Variants in CAPN2 observed in about 807,000 individuals in gnomAD.
The protein encoded by CAPN2 is calpain-2 catalytic subunit.
CAPN2 carries 92 observed loss-of-function variants against 102.3 expected under a neutral mutation model. The observed-to-expected ratio is 0.90, with a 90% CI of 0.76 to 1.07. The LOEUF is 1.07. CAPN2 is among the 50% of genes least tolerant of loss of function. The pLI, the probability that CAPN2 is intolerant of heterozygous loss-of-function variation, is 0.00. For synonymous variants in CAPN2, 340 were observed against 355.4 expected (o/e 0.96, Z 0.49); for missense variants, 800 against 909.4 (o/e 0.88, Z 1.55).
chr1:223,724,230 C>T (rs978827690), intron 2 of CAPN2, among the ~76,000 whole-genome samples: 1 of 152,120 alleles, frequency 6.6e-6, no homozygotes, highest in Non-Finnish European at 1.5e-5. Context: ...GCACCAGTCC[C>T]CAAGAAGACC....
intron 13 of CAPN2, among the ~76,000 whole-genome samples, chr1:223,761,967 C>A (rs764775381): frequency 1.3e-5 from 2 of 151,998 alleles, no homozygotes; most frequent in Non-Finnish European, 2.9e-5. Context: ...TTACTCCTTC[C>A]CACATAATTT....
chr1:223,772,252 G>A lies in CAPN2; in HGVS notation c.2079+13G>A, dbSNP rs546115039. On this transcript the variant is annotated intron_variant, in intron 20 of 20. Transcript: ENST00000295006. Reference sequence around the variant, plus strand: ...CGACCTTATCTCTGTGAGTCAGCAGGCCCCGCCTTGCTTCTAAGGGGATGG... The same window carrying A: ...CGACCTTATCTCTGTGAGTCAGCAGACCCCGCCTTGCTTCTAAGGGGATGG... 2 of 1,612,360 alleles carry A rather than the reference G, an allele frequency of 1.2e-6. No homozygotes were observed. The highest frequency in any genetic ancestry group is 2.2e-5 in the East Asian group (1 of 44,866).
intron 14 of CAPN2, 128 bp from the exon 15 acceptor site, chr1:223,764,022 C>T (rs528140174): frequency 3.1e-5 from 23 of 731,574 alleles, no homozygotes; most frequent in South Asian, 3.0e-4. Flanking sequence ...CAACATGGCT[C>T]GGGGGCTTGT....
At chr1:223,740,796 G>T (rs1660592557) in intron 2 of CAPN2, among the ~76,000 whole-genome samples, 1 of 152,108 alleles carries the variant, frequency 6.6e-6, no homozygotes, top group South Asian at 2.1e-4. Context: ...TGGGGAGGAA[G>T]GTCTTTGAAG....
chr1:223,772,089 G>A (rs1056757234), intron 19 of CAPN2, 92 bp from the exon 20 acceptor site: 11 of 1,236,678 alleles, frequency 8.9e-6, no homozygotes, highest in Admixed American at 1.7e-5. Context: ...CATGTATGGT[G>A]GTCAGTGAAG....
chr1:223,765,358 C>A (rs1661285367), intron 15 of CAPN2, among the ~76,000 whole-genome samples: 1 of 152,194 alleles, frequency 6.6e-6, no homozygotes, highest in African/African-American at 2.4e-5. Context: ...CCAGAGGAGA[C>A]CCAGTCTGCA....
chr1:223,748,988 G>T, intron 5 of CAPN2, 51 bp from the exon 6 acceptor site: 1 of 1,523,764 alleles, frequency 6.6e-7, no homozygotes, highest in Non-Finnish European at 9.1e-7. Flanking sequence ...GAGGGAGTCC[G>T]GGAGGAAGGG....
intron 15 of CAPN2, 54 bp from the exon 16 acceptor site, chr1:223,766,313 A>AGTT: frequency 7.7e-7 from 1 of 1,304,140 alleles, no homozygotes; most frequent in Non-Finnish European, 1.1e-6. Context: ...TGGAAAGTTC[A>AGTT]GTTGGACATC....
In CAPN2 at chr1:223,725,390, A is replaced by G. The variant is rs1358700178; in HGVS notation, c.307+7559A>G. 6.6e-6 allele frequency among the ~76,000 whole-genome samples: 1 copy of G among 152,180 alleles called. No homozygotes were observed. The highest frequency in any genetic ancestry group is 1.5e-5 in the Non-Finnish European group (1 of 68,032). The stretch of plus-strand genomic sequence containing the variant: ...AGAGCGAGACTTCATCTCAAAAAAA[A>G]AAAAATTGTGTCTACCTCAGAGGAC... On this transcript the variant is annotated intron_variant, in intron 2 of 20. Transcript: ENST00000295006. The surrounding 1 kb of genome is among the most constrained non-coding windows in gnomAD (Gnocchi z 4.1).
chr1:223,712,315 G>T, upstream of CAPN2: 1 of 357,932 alleles, frequency 2.8e-6, no homozygotes, highest in Non-Finnish European at 3.9e-6. Context: ...CCCCAACTCT[G>T]GACCGCGATT....
At chr1:223,712,500 T>A, upstream of CAPN2, 7 of 1,199,590 alleles carry the variant, frequency 5.8e-6, no homozygotes, top group East Asian at 3.7e-5. Context: ...CCGGGCCGCT[T>A]CCCTCCGGTG....
chr1:223,752,877 C>G lies in CAPN2; in HGVS notation c.1056C>G (p.Thr352=). The part of the protein sequence containing the change: ...NLTPDTLTSD[T]YKKWKLTKMD... ...CCCCAGACACTCTCACCAGCGATAC[C>G]TACAAGAAGTGGAAACTCACCAAAA... The change falls in exon 9 of 21, where the codon ACC becomes ACG. Residue 352 remains threonine, a synonymous_variant. Coordinates refer to ENST00000295006, the MANE Select transcript of CAPN2 (RefSeq NM_001748.5). The G allele has an allele frequency of 3.1e-6, 5 of 1,614,184 alleles. No homozygotes were observed. Among genetic ancestry groups the G allele is most frequent in the Non-Finnish European group, 4.2e-6 (5 of 1,180,004 alleles).
At chr1:223,763,463 G>C (rs961147087) in intron 14 of CAPN2, among the ~76,000 whole-genome samples, 5 of 152,106 alleles carry the variant, frequency 3.3e-5, no homozygotes, top group African/African-American at 1.2e-4. Flanking sequence ...AATCAATCTT[G>C]GTTTTAAACA....
At chr1:223,712,471 T>C (rs1027144295), upstream of CAPN2, 10 of 1,160,494 alleles carry the variant, frequency 8.6e-6, no homozygotes, top group African/African-American at 1.5e-4. Context: ...CGGGAGCGGC[T>C]GAGGCCACAC....
chr1:223,736,588 A>G (rs1660461739), intron 2 of CAPN2, among the ~76,000 whole-genome samples: 1 of 152,102 alleles, frequency 6.6e-6, no homozygotes, highest in Non-Finnish European at 1.5e-5. Flanking sequence ...TTTCCTTTCA[A>G]CAGTGCTGGG....
In CAPN2 at chr1:223,757,529, T is replaced by C. The variant is rs914497713; in HGVS notation, c.1317+149T>C. On this transcript the variant is annotated intron_variant, in intron 11 of 20. Coordinates refer to ENST00000295006, the MANE Select transcript of CAPN2 (RefSeq NM_001748.5). The stretch of plus-strand genomic sequence containing the variant: ...GCCACCCCTGGGGCCCTGCTGAAGT[T>C]GCCCAGGCTCTAGATCCCACTGGTC... The C allele has an allele frequency of 3.6e-6, 3 of 829,258 alleles. No individual in the cohort carries two copies. In the African/African-American group the frequency reaches 5.1e-5, roughly 14 times the overall value. 51.4% of individuals were successfully genotyped at this position (829,258 alleles called of 1,614,324 possible).
chr1:223,713,294 C>T (rs1310905095), intron 1 of CAPN2, among the ~76,000 whole-genome samples: 1 of 152,158 alleles, frequency 6.6e-6, no homozygotes, highest in East Asian at 1.9e-4. Context: ...CAGACAAAGT[C>T]CGTCTCCAAC....
Position 223,755,077 on chromosome 1 carries a change from C to T in CAPN2, c.1136-403C>T, listed in dbSNP as rs536703201. ...CAGGTCATCCTCTCTCCACAGCTAC[C>T]GTCACCCGTCTCCAGCCTAACAAAG... On this transcript the variant is annotated intron_variant, in intron 9 of 20. Transcript: ENST00000295006. This position sits in a 1 kb window ranked among gnomAD's most constrained non-coding sequence, Gnocchi z 4.1. Among the ~76,000 whole-genome samples the T allele has an allele frequency of 2.8e-4, 43 of 152,240 alleles. No homozygotes were observed. The highest frequency in any genetic ancestry group is 1.2e-3 in the Admixed American group (19 of 15,300).
chr1:223,764,588 G>A (rs1276408792), intron 15 of CAPN2, among the ~76,000 whole-genome samples: 1 of 152,160 alleles, frequency 6.6e-6, no homozygotes, highest in African/African-American at 2.4e-5. Flanking sequence ...CAAGTAGCTG[G>A]AATCACAGGC....
Sources: allele counts gnomAD v4.1 joint callset (sites outside exome capture counted in the v4.1 genomes callset), GRCh38; gene constraint gnomAD v4.1.1; non-coding constraint Gnocchi (gnomAD v3.1); transcripts MANE v1.5; gene names NCBI Gene and HGNC (gene_info 2026-07-23, HGNC 2026-07-21).